Variants in PZP observed in about 807,000 individuals in gnomAD.
The protein encoded by PZP is PZP alpha-2-macroglobulin like.
In PZP, 150 loss-of-function variants were observed where a neutral mutation model predicts 179.8. The ratio of observed to expected loss-of-function variants is 0.83; its 90% confidence interval spans 0.73 to 0.96. PZP has a LOEUF of 0.96. Among genes scored for constraint, PZP ranks in the 40% least tolerant of loss-of-function variants. PZP has a pLI of 0.00. For synonymous variants in PZP, 624 were observed against 652.3 expected (o/e 0.96, Z 0.66); for missense variants, 1,689 against 1,764.0 (o/e 0.96, Z 0.76).
intron 2 of PZP, 80 bp from the exon 3 acceptor site, chr12:9,202,764 A>G (rs1944240197): frequency 1.1e-5 from 15 of 1,372,116 alleles, no homozygotes; most frequent in Middle Eastern, 2.4e-4. Context: ...GCTATTTCCT[A>G]TCTCTCCTTC....
At chr12:9,164,318 A>T in intron 19 of PZP, 59 bp from the exon 20 acceptor site, 1 of 1,545,744 alleles carries the variant, frequency 6.5e-7, no homozygotes. Flanking sequence ...ACACGAACAC[A>T]TAGAATTGGG....
chr12:9,166,197 G>A lies in PZP; in HGVS notation c.2113C>T (p.Leu705=). The A allele has an allele frequency of 6.2e-7, 1 of 1,609,980 alleles. No individual in the cohort carries two copies. ...ACATATGGTCTCTCTACTACTCCTA[G>A]ACCTGCTAAAGTAAGAGAAAATTGT... ...AVGQGYYGAG[L]GVVERPYVPQ... The change falls in exon 18 of 36, where the codon CTA becomes TTA. Residue 705 remains leucine, a synonymous_variant. Coordinates refer to ENST00000261336, the MANE Select transcript of PZP (RefSeq NM_002864.3).
chr12:9,179,683 T>C (rs897198364), intron 15 of PZP, among the ~76,000 whole-genome samples: 3 of 152,212 alleles, frequency 2.0e-5, no homozygotes, highest in Non-Finnish European at 4.4e-5. Flanking sequence ...GCTTACCTAC[T>C]CCAGTGACCA....
intron 1 of PZP, among the ~76,000 whole-genome samples, chr12:9,206,148 C>A (rs749340758): frequency 6.6e-6 from 1 of 152,216 alleles, no homozygotes; most frequent in South Asian, 2.1e-4. Context: ...ATCTCCTGAT[C>A]ACTGCTCTTT....
At chr12:9,161,137 T>G in intron 22 of PZP, 21 bp from the exon 23 acceptor site, 1 of 1,510,506 alleles carries the variant, frequency 6.6e-7, no homozygotes, top group Non-Finnish European at 9.1e-7. Context: ...AGACAGCCCA[T>G]GTTAAAGGAG....
chr12:9,202,606 T>G lies in PZP; in HGVS notation c.346A>C (p.Arg116=). ...IKGPTQDFRK[R]NTVLVLNTQS... is the part of the protein sequence containing the mutation. The stretch of plus-strand genomic sequence containing the variant: ...GTGTTCAGTACCAGAACTGTGTTCC[T>G]CTTCCTGAAATCTTGCGTAGGCCCC... Residue 116 remains arginine, a synonymous_variant, in exon 3 of 36, where the codon AGG becomes CGG. Transcript: ENST00000261336. 6.2e-7 allele frequency: 1 copy of G among 1,614,140 alleles called. No individual in the cohort carries two copies. Among genetic ancestry groups the G allele is most frequent in the South Asian group, 1.1e-5 (1 of 91,072 alleles).
At chr12:9,151,910 A>G (rs1383108987) in intron 32 of PZP, among the ~76,000 whole-genome samples, 2 of 152,160 alleles carry the variant, frequency 1.3e-5, no homozygotes, top group African/African-American at 4.8e-5. Flanking sequence ...TTTAGTGCAT[A>G]TCAGTCAGTT....
rs761699218 is a variant in PZP at position 9,152,981 on chromosome 12, C to T, written c.3994-30G>A. On this transcript the variant is annotated intron_variant, in intron 30 of 35. Transcript: ENST00000261336. Reference sequence around the variant, plus strand: ...GAAACAGCAAAGACACTATCAGTTTCTCTCTTTTTCTGGACCCCTCACTTC... The same window carrying T: ...GAAACAGCAAAGACACTATCAGTTTTTCTCTTTTTCTGGACCCCTCACTTC... 9.3e-6 allele frequency: 15 copies of T among 1,613,636 alleles called. No individual in the cohort carries two copies. The Admixed American group carries it at 2.3e-4, about 25-fold the overall frequency.
chr12:9,169,088 G>A (rs759537223), intron 16 of PZP, 114 bp from the exon 17 acceptor site: 36 of 692,648 alleles, frequency 5.2e-5, no homozygotes, highest in African/African-American at 2.4e-4. Flanking sequence ...ATTCTATGGC[G>A]AAACACTTGA....
Position 9,152,969 on chromosome 12 carries a change from C to T in PZP, c.3994-18G>A, listed in dbSNP as rs1426446806. On this transcript the variant is annotated intron_variant, in intron 30 of 35. Coordinates refer to ENST00000261336, the MANE Select transcript of PZP (RefSeq NM_002864.3). ...ATGGATGTCTGTGAAACAGCAAAGA[C>T]ACTATCAGTTTCTCTCTTTTTCTGG... 6 of 1,613,900 alleles carry T rather than the reference C, an allele frequency of 3.7e-6. No homozygotes were observed. Among genetic ancestry groups the T allele is most frequent in the Non-Finnish European group, 5.1e-6 (6 of 1,179,994 alleles).
intron 28 of PZP, among the ~76,000 whole-genome samples, chr12:9,155,623 A>G (rs7304882): frequency 0.011 from 1,606 of 152,280 alleles, 30 homozygotes; most frequent in African/African-American, 0.036. Flanking sequence ...AGAACACTAC[A>G]AGATAGATTG....
rs778239752 is a variant in PZP, at chr12:9,196,359, A to AGT, written c.1061_1062dup (p.Phe355ThrfsTer31). On this transcript the variant is annotated frameshift_variant, in exon 10 of 36. Coordinates refer to ENST00000261336, the MANE Select transcript of PZP (RefSeq NM_002864.3). LOFTEE classifies it high-confidence loss of function. The stretch of plus-strand genomic sequence containing the variant: ...GCAAAAAAGGGGATTCCTTGTCTAA[A>AGT]GTGTGAATCCACTTTCACGAATTTG... The AGT allele has an allele frequency of 3.3e-5, 54 of 1,612,872 alleles. No individual in the cohort carries two copies. The highest frequency in any genetic ancestry group is 4.0e-5 in the Non-Finnish European group (47 of 1,179,028).
Position 9,196,352 on chromosome 12 carries a change from T to A in PZP, c.1070A>T (p.Gln357Leu). The change falls in exon 10 of 36, where the codon CAA (glutamine) becomes CTA (leucine). Residue 357 changes from glutamine to leucine, a missense_variant. Physicochemically the swap from Gln to Leu is moderately radical, Grantham distance 113. Coordinates refer to ENST00000261336, the MANE Select transcript of PZP (RefSeq NM_002864.3). ...TACCTGTGCAAAAAAGGGGATTCCT[T>A]GTCTAAAGTGTGAATCCACTTTCAC... is the stretch of plus-strand genomic sequence containing the variant. ...KFVKVDSHFR[Q>L]GIPFFAQVLL... 1 of 1,611,548 alleles carries A rather than the reference T, an allele frequency of 6.2e-7. No individual in the cohort carries two copies. The highest frequency in any genetic ancestry group is 8.5e-7 in the Non-Finnish European group (1 of 1,177,706).
Position 9,200,543 on chromosome 12 carries a change from A to G in PZP, c.671-95T>C, listed in dbSNP as rs767960266. The G allele has an allele frequency of 1.5e-5, 14 of 952,890 alleles. No homozygotes were observed. In the African/African-American group the frequency reaches 2.3e-4, roughly 16 times the overall value. The allele number at this position is 952,890 out of a possible 1,614,324, so 59.0% of individuals were successfully genotyped here. ...TGTCTATAATTTTTCCCAAAATAAC[A>G]CTCTGAATGTTAGATTTACTTTCCA... On this transcript the variant is annotated intron_variant, in intron 6 of 35. Transcript: ENST00000261336.
intron 12 of PZP, 57 bp from the exon 13 acceptor site, chr12:9,192,313 C>A: frequency 6.6e-7 from 1 of 1,526,060 alleles, no homozygotes; most frequent in South Asian, 1.1e-5. Context: ...TCTCAGCCTT[C>A]TATTCCCCAC....
At chr12:9,196,744 T>G in intron 8 of PZP, 59 bp from the exon 9 acceptor site, 1 of 1,404,296 alleles carries the variant, frequency 7.1e-7, no homozygotes, top group Non-Finnish European at 1.0e-6. Context: ...AGTCACTGAA[T>G]CTACTATTCT....
intron 13 of PZP, among the ~76,000 whole-genome samples, chr12:9,188,039 C>T (rs1414804341): frequency 2.0e-5 from 3 of 152,360 alleles, no homozygotes; most frequent in African/African-American, 7.2e-5. Context: ...TCTGGCCAAA[C>T]GTCCTTGATG....
At chr12:9,166,276 G>A in intron 17 of PZP, 74 bp from the exon 18 acceptor site, 2 of 1,492,728 alleles carry the variant, frequency 1.3e-6, no homozygotes, top group South Asian at 2.5e-5. Flanking sequence ...AGACGTTAGA[G>A]AACAAAATTT....
In PZP at chr12:9,180,973, G is replaced by C; in HGVS notation, c.1839+10C>G. 1 of 1,610,256 alleles carries C rather than the reference G, an allele frequency of 6.2e-7. No individual in the cohort carries two copies. The highest frequency in any genetic ancestry group is 1.1e-5 in the South Asian group (1 of 90,304). On this transcript the variant is annotated intron_variant, in intron 15 of 35. Transcript: ENST00000261336. ...GCCCTTCCTGGTCCCCAAGGCCACT[G>C]GAAACTCACTGAGGACACAGAGAGC...
Sources: allele counts gnomAD v4.1 joint callset (sites outside exome capture counted in the v4.1 genomes callset), GRCh38; gene constraint gnomAD v4.1.1; transcripts MANE v1.5; gene names NCBI Gene and HGNC (gene_info 2026-07-23, HGNC 2026-07-21).